Variants in SLC38A10 observed in about 807,000 individuals in gnomAD.
SLC38A10 encodes solute carrier family 38 member 10.
SLC38A10 carries 53 observed loss-of-function variants against 81.0 expected under a neutral mutation model. The observed-to-expected ratio is 0.65, with a 90% confidence interval of 0.53 to 0.82. SLC38A10 has a LOEUF of 0.82. SLC38A10 is among the 40% of genes least tolerant of loss of function. SLC38A10 has a pLI of 0.00. For synonymous variants in SLC38A10, 665 were observed against 655.3 expected, an observed-to-expected ratio of 1.01 and a Z score of -0.23; for missense variants, 1,471 against 1,545.0, an observed-to-expected ratio of 0.95 and a Z score of 0.80.
chr17:81,260,045 A>G (rs2063007228), intron 11 of SLC38A10, among the ~76,000 whole-genome samples, 193 bp downstream of exon 11: 1 of 152,178 alleles, frequency 6.6e-6, no homozygotes, highest in African/African-American at 2.4e-5. Context: ...TTCCCTGCAC[A>G]CAGGCAGCCA....
At chr17:81,282,360 C>T (rs1207646514) in intron 4 of SLC38A10, 28 bp from the exon 5 acceptor site, 1 of 1,587,060 alleles carries the variant, frequency 6.3e-7, no homozygotes, top group Non-Finnish European at 8.6e-7. Flanking sequence ...GGGGTCTTGG[C>T]CACAGCCCGT....
chr17:81,275,731 CA>C (rs747992770), intron 8 of SLC38A10, among the ~76,000 whole-genome samples: 1 of 108,218 alleles, frequency 9.2e-6, no homozygotes. Flanking sequence ...AACTCCGTCT[CA>C]AAAAAAAAGA....
intron 1 of SLC38A10, among the ~76,000 whole-genome samples, chr17:81,291,453 C>T (rs1479371367): frequency 1.3e-5 from 2 of 150,044 alleles, no homozygotes; most frequent in Admixed American, 6.6e-5. Context: ...AACCATTGCA[C>T]CCCAGCCTGG....
intron 1 of SLC38A10, among the ~76,000 whole-genome samples, chr17:81,292,003 T>C (rs1211539659): frequency 6.6e-6 from 1 of 152,188 alleles, no homozygotes; most frequent in Non-Finnish European, 1.5e-5. Context: ...GCTCGTCATA[T>C]GAAAATTCAT....
Position 81,289,782 on chromosome 17 carries a change from G to A in SLC38A10, c.126C>T (p.Leu42=), listed in dbSNP as rs150016130. Residue 42 remains leucine, a synonymous_variant, in exon 2 of 16, where the codon CTC becomes CTT. Coordinates refer to ENST00000374759, the MANE Select transcript of SLC38A10 (RefSeq NM_001037984.3). The surrounding 1 kb of genome is among the most constrained non-coding windows in gnomAD (Gnocchi z 5.9). ...KQCGIVLGAL[L]LVFCSWMTHQ... The stretch of plus-strand genomic sequence containing the variant: ...GCGTCATCCATGAGCAGAAGACCAA[G>A]AGCAGCGCCCCCAGGACGATGCCGC... 6.2e-7 allele frequency: 1 copy of A among 1,607,102 alleles called. No individual in the cohort carries two copies. Among genetic ancestry groups the A allele is most frequent in the African/African-American group, 1.3e-5 (1 of 74,820 alleles).
chr17:81,248,177 T>C (rs1324314383), intron 14 of SLC38A10, among the ~76,000 whole-genome samples: 2 of 152,116 alleles, frequency 1.3e-5, no homozygotes, highest in Non-Finnish European at 2.9e-5. Flanking sequence ...CAGGATGGTC[T>C]TGATCTCCTG....
Position 81,253,226 on chromosome 17 carries a change from C to G in SLC38A10, c.1303G>C (p.Val435Leu). The stretch of plus-strand genomic sequence containing the variant: ...TCCCGGCCATCCTCAGCCACGGCCA[C>G]AACCGGATCCTGGGCTGGGAGCAGG... ...AARLSAQDPV[V>L]AVAEDGREKP... The change falls in exon 12 of 16, where the codon GTG (valine) becomes CTG (leucine). Residue 435 changes from valine to leucine, a missense_variant. Transcript: ENST00000374759. This position sits in a 1 kb window ranked among gnomAD's most constrained non-coding sequence, Gnocchi z 4.1. 1 of 1,613,744 alleles carries G rather than the reference C, an allele frequency of 6.2e-7. No homozygotes were observed. The highest frequency in any genetic ancestry group is 8.5e-7 in the Non-Finnish European group (1 of 1,180,020).
At chr17:81,291,279 G>A (rs577949446) in intron 1 of SLC38A10, among the ~76,000 whole-genome samples, 10 of 152,040 alleles carry the variant, frequency 6.6e-5, no homozygotes, top group African/African-American at 1.9e-4. Context: ...TCAGGAGTTC[G>A]AGACCAGCCT....
chr17:81,252,558 C>T lies in SLC38A10; in HGVS notation c.1582G>A (p.Gly528Ser), dbSNP rs1475604451. 1 of 1,613,444 alleles carries T rather than the reference C, an allele frequency of 6.2e-7. No individual in the cohort carries two copies. Among genetic ancestry groups the T allele is most frequent in the Admixed American group, 1.7e-5 (1 of 60,034 alleles). ...CCCTGGACCCCTGGAGCCTTTCCGC[C>T]CGCGTGTCTGGATGGAGGTTTGTTC... ...EENKPPSRHAGGKAPGVQGQM... is the reference protein window; with the variant it reads ...EENKPPSRHASGKAPGVQGQM... Residue 528 changes from glycine (G) to serine (S), a missense_variant, in exon 13 of 16, where the codon GGC becomes AGC. Physicochemically the swap from Gly to Ser is moderately conservative, Grantham distance 56. Coordinates refer to ENST00000374759, the MANE Select transcript of SLC38A10 (RefSeq NM_001037984.3).
At chr17:81,278,680 G>A (rs142310897) in intron 6 of SLC38A10, among the ~76,000 whole-genome samples, 25 of 152,276 alleles carry the variant, frequency 1.6e-4, no homozygotes, top group East Asian at 9.7e-4. Context: ...GCCATGTTGC[G>A]GCATGAACTT....
At chr17:81,247,822 C>A (rs922988756) in intron 14 of SLC38A10, among the ~76,000 whole-genome samples, 5 of 151,410 alleles carry the variant, frequency 3.3e-5, no homozygotes, top group East Asian at 3.9e-4. Context: ...GCCTGGGCAA[C>A]AGAGCAAGAC....
intron 10 of SLC38A10, among the ~76,000 whole-genome samples, chr17:81,261,696 C>T (rs1206932055): frequency 6.6e-6 from 1 of 152,230 alleles, no homozygotes; most frequent in Non-Finnish European, 1.5e-5. Context: ...TCGGCATCTC[C>T]GGACGCCAGG....
chr17:81,276,002 C>A lies in SLC38A10; in HGVS notation c.879G>T (p.Arg293Ser), dbSNP rs890805935. 4.3e-6 allele frequency: 7 copies of A among 1,613,574 alleles called. No homozygotes were observed. In the Admixed American group the frequency reaches 8.3e-5, roughly 19 times the overall value. ...VGFPMMILPCRQALSTLLCEQ... is the reference protein window; with the variant it reads ...VGFPMMILPCSQALSTLLCEQ... ...CACACAGCAGCGTGCTCAGGGCCTG[C>A]CTGCATGGCAGGATCATCATGGGGA... Residue 293 changes from arginine to serine, a missense_variant, in exon 8 of 16, where the codon AGG becomes AGT. Arg to Ser is a moderately radical substitution (Grantham distance 110). Around this residue, in one of 2 missense-constraint regions of SLC38A10, gnomAD observed 720 missense variants for 827.7 expected, o/e 0.87. Coordinates refer to ENST00000374759, the MANE Select transcript of SLC38A10 (RefSeq NM_001037984.3). The surrounding 1 kb of genome is among the most constrained non-coding windows in gnomAD (Gnocchi z 4.7).
At chr17:81,250,957 A>C (rs1460439098) in intron 14 of SLC38A10, 3 of 1,296,602 alleles carry the variant, frequency 2.3e-6, no homozygotes, top group Non-Finnish European at 2.9e-6. Context: ...AGATCCCTGT[A>C]GATGAACACA....
At chr17:81,269,590 G>C (rs904937667) in intron 10 of SLC38A10, among the ~76,000 whole-genome samples, 2 of 152,184 alleles carry the variant, frequency 1.3e-5, no homozygotes, top group Non-Finnish European at 2.9e-5. Context: ...CCTTTGGGGT[G>C]GGGGTGGATG....
chr17:81,288,950 A>G lies in SLC38A10; in HGVS notation c.217+741T>C, dbSNP rs1263246249. On this transcript the variant is annotated intron_variant, in intron 2 of 15. Coordinates refer to ENST00000374759, the MANE Select transcript of SLC38A10 (RefSeq NM_001037984.3). This position sits in a 1 kb window ranked among gnomAD's most constrained non-coding sequence, Gnocchi z 5.4. ...GAAGAGGAAGCTTGTGTGGACCTGCATGGGAGCGGGCAGGAGGGCATGGTG... is the reference window on the plus strand; with the variant it reads ...GAAGAGGAAGCTTGTGTGGACCTGCGTGGGAGCGGGCAGGAGGGCATGGTG... 6.6e-6 allele frequency: 1 copy of G among 152,374 alleles called. No homozygotes were observed. Among genetic ancestry groups the G allele is most frequent in the Non-Finnish European group, 1.5e-5 (1 of 68,150 alleles). 9.4% of individuals were successfully genotyped at this position (152,374 alleles called of 1,614,324 possible).
chr17:81,249,787 C>G (rs2062893822), intron 14 of SLC38A10, among the ~76,000 whole-genome samples: 2 of 152,142 alleles, frequency 1.3e-5, no homozygotes, highest in Admixed American at 6.5e-5. Context: ...CCTAAGCAGC[C>G]TGCACTCAGA....
At position 81,289,647 on chromosome 17, in the gene SLC38A10, C is replaced by T. The variant is rs2063294278; in HGVS notation, c.217+44G>A. On this transcript the variant is annotated intron_variant, in intron 2 of 15. Coordinates refer to ENST00000374759, the MANE Select transcript of SLC38A10 (RefSeq NM_001037984.3). The surrounding 1 kb of genome is among the most constrained non-coding windows in gnomAD (Gnocchi z 5.9). Reference sequence around the variant, plus strand: ...AATAAATAAATAAATGGAATAAGGCCCCCGCCCCAGGTCCAGAGCCACCTT... The same window carrying T: ...AATAAATAAATAAATGGAATAAGGCTCCCGCCCCAGGTCCAGAGCCACCTT... 1 of 1,365,606 alleles carries T rather than the reference C, an allele frequency of 7.3e-7. No homozygotes were observed. Among genetic ancestry groups the T allele is most frequent in the Non-Finnish European group, 1.0e-6 (1 of 996,938 alleles). 84.6% of individuals were successfully genotyped at this position (1,365,606 alleles called of 1,614,324 possible).
intron 14 of SLC38A10, chr17:81,249,929 G>T: frequency 1.6e-6 from 1 of 626,328 alleles, no homozygotes; most frequent in Non-Finnish European, 2.3e-6. Context: ...GCTGAGCCTG[G>T]GTGCGTGCGC....
Sources: gnomAD v4.1 joint callset for allele counts (sites outside exome capture counted in the v4.1 genomes callset) on GRCh38, gnomAD v4.1.1 for gene constraint, gnomAD v4.1.1 regional missense constraint, Gnocchi (gnomAD v3.1) non-coding constraint, MANE v1.5 for transcripts, NCBI Gene and HGNC (gene_info 2026-07-23, HGNC 2026-07-21) for gene names.